The following LRRC4C variants were observed in gnomAD, a reference collection of about 807,000 sequenced individuals.
LRRC4C encodes leucine-rich repeat-containing protein 4C.
Under a neutral mutation model 33.6 loss-of-function variants are expected in LRRC4C, and 5 were observed. That is an observed-to-expected ratio of 0.15 (90% CI 0.08 to 0.31). The LOEUF (loss-of-function observed/expected upper bound fraction) is 0.31. Among genes scored for constraint, LRRC4C ranks in the 10% least tolerant of loss-of-function variants. The probability of loss-of-function intolerance (pLI) is 1.00; values close to 1 mark genes in which losing one functional copy is unlikely to be tolerated. For synonymous variants in LRRC4C, 329 were observed against 302.0 expected (o/e 1.09, Z -0.93); for missense variants, 560 against 796.7 (o/e 0.70, Z 3.58).
intron 3 of LRRC4C, among the ~76,000 whole-genome samples, chr11:40,404,891 A>T (rs994591304): frequency 6.6e-6 from 1 of 151,938 alleles, no homozygotes; most frequent in African/African-American, 2.4e-5. Context: ...TACTATAATG[A>T]TATAAATTAA....
intron 1 of LRRC4C, among the ~76,000 whole-genome samples, chr11:41,349,724 C>T (rs762228648): frequency 6.6e-6 from 1 of 152,134 alleles, no homozygotes; most frequent in African/African-American, 2.4e-5. Context: ...TGAGAAAGAA[C>T]CAGTGTAAGA....
intron 1 of LRRC4C, among the ~76,000 whole-genome samples, chr11:41,187,108 G>T (rs1226429818): frequency 6.6e-6 from 1 of 152,128 alleles, no homozygotes; most frequent in Non-Finnish European, 1.5e-5. Context: ...ATATGGGAAG[G>T]GGAGCAGGGG....
intron 1 of LRRC4C, among the ~76,000 whole-genome samples, chr11:41,102,087 T>C (rs1464891514): frequency 6.6e-6 from 1 of 151,974 alleles, no homozygotes. Flanking sequence ...CCCCGTGACA[T>C]GAGTTTTCCT....
At chr11:40,725,226 G>A (rs988499759) in intron 2 of LRRC4C, among the ~76,000 whole-genome samples, 51 of 152,222 alleles carry the variant, frequency 3.4e-4, no homozygotes, top group African/African-American at 1.2e-3. Flanking sequence ...AGAACTGGAG[G>A]CCGGGTGCAG....
intron 3 of LRRC4C, among the ~76,000 whole-genome samples, chr11:40,487,056 T>C (rs551503257): frequency 2.0e-5 from 3 of 152,172 alleles, no homozygotes; most frequent in African/African-American, 7.2e-5. Flanking sequence ...AGAAAGTCTG[T>C]TAACTTATTT....
intron 1 of LRRC4C, among the ~76,000 whole-genome samples, chr11:41,355,371 A>T (rs1467304850): frequency 6.6e-6 from 1 of 152,128 alleles, no homozygotes; most frequent in Non-Finnish European, 1.5e-5. Context: ...CTGTGAAACA[A>T]ACCTAAAAAA....
At chr11:41,354,760 A>C (rs372037705) in intron 1 of LRRC4C, among the ~76,000 whole-genome samples, 6 of 152,126 alleles carry the variant, frequency 3.9e-5, no homozygotes, top group African/African-American at 9.7e-5. Flanking sequence ...TGGGGAAAGG[A>C]TTCCCTATTC....
chr11:40,641,339 A>T (rs2861926), intron 3 of LRRC4C, among the ~76,000 whole-genome samples: 151,722 of 152,270 alleles, frequency 1, 75,592 homozygotes, highest in Middle Eastern at 1. Context: ...ATTCTTATTC[A>T]CCACTGAAAA....
intron 1 of LRRC4C, among the ~76,000 whole-genome samples, chr11:41,304,327 C>T (rs1444136130): frequency 7.2e-5 from 8 of 111,670 alleles, no homozygotes; most frequent in African/African-American, 1.0e-4. Context: ...CCCGGCCAGC[C>T]GCCCCGTCCG....
At chr11:41,016,214 A>C (rs1012713969) in intron 1 of LRRC4C, among the ~76,000 whole-genome samples, 13 of 152,220 alleles carry the variant, frequency 8.5e-5, no homozygotes, top group African/African-American at 2.9e-4. Context: ...TCTTCTAAAA[A>C]AATAAGAAGA....
At chr11:40,130,987 T>G (rs1856607238) in intron 6 of LRRC4C, among the ~76,000 whole-genome samples, 1 of 152,174 alleles carries the variant, frequency 6.6e-6, no homozygotes, top group African/African-American at 2.4e-5. Context: ...TTCCCTAAAT[T>G]GTCCGTAAAG....
At chr11:41,387,018 A>G (rs1281966809) in intron 1 of LRRC4C, among the ~76,000 whole-genome samples, 2 of 151,900 alleles carry the variant, frequency 1.3e-5, no homozygotes, top group East Asian at 3.9e-4. Flanking sequence ...CAGTTGCTAC[A>G]TGTGTCCACC....
At position 40,115,579 on chromosome 11, in the gene LRRC4C, A is replaced by G. The variant is rs755266518; in HGVS notation, c.714T>C (p.Ser238=). ...GNHLSAIRPG[S]FQGLMHLQKL... is the part of the protein sequence containing the mutation. Reference sequence around the variant, plus strand: ...TTTGAAGGTGCATCAAACCCTGGAAAGAGCCAGGCCTGATGGCAGATAAAT... The same window carrying G: ...TTTGAAGGTGCATCAAACCCTGGAAGGAGCCAGGCCTGATGGCAGATAAAT... Residue 238 remains serine, a synonymous_variant, in exon 7 of 7, where the codon TCT becomes TCC. Coordinates refer to ENST00000528697, the MANE Select transcript of LRRC4C (RefSeq NM_001258419.2). The surrounding 1 kb of genome is among the most constrained non-coding windows in gnomAD (Gnocchi z 6.7). The G allele has an allele frequency of 4.3e-6, 7 of 1,614,180 alleles. No homozygotes were observed. Among genetic ancestry groups the G allele is most frequent in the South Asian group, 2.2e-5 (2 of 91,088 alleles).
chr11:41,055,138 T>A (rs1032360069), intron 1 of LRRC4C, among the ~76,000 whole-genome samples: 1 of 152,176 alleles, frequency 6.6e-6, no homozygotes, highest in East Asian at 1.9e-4. Flanking sequence ...TTATCCTGAC[T>A]TATAATACCA....
At chr11:40,871,321 C>T (rs1954632881) in intron 2 of LRRC4C, among the ~76,000 whole-genome samples, 1 of 152,078 alleles carries the variant, frequency 6.6e-6, no homozygotes, top group African/African-American at 2.4e-5. Flanking sequence ...CACTCCCTCC[C>T]CTTTTGAAAA....
chr11:40,309,844 G>A (rs181064369), intron 4 of LRRC4C, among the ~76,000 whole-genome samples: 1 of 152,260 alleles, frequency 6.6e-6, no homozygotes, highest in East Asian at 1.9e-4. Context: ...GCCCCCAGAA[G>A]CAGGAAGAAG....
At chr11:40,830,865 G>A (rs1422089848) in intron 2 of LRRC4C, among the ~76,000 whole-genome samples, 1 of 152,100 alleles carries the variant, frequency 6.6e-6, no homozygotes, top group Non-Finnish European at 1.5e-5. Context: ...ATGGCAAAGA[G>A]GGTGGAGGAA....
At chr11:41,031,310 T>C (rs577727622) in intron 1 of LRRC4C, among the ~76,000 whole-genome samples, 1 of 152,108 alleles carries the variant, frequency 6.6e-6, no homozygotes, top group East Asian at 1.9e-4. Context: ...CTTAGGGCTG[T>C]GCCAATTCAC....
intron 5 of LRRC4C, among the ~76,000 whole-genome samples, chr11:40,199,842 C>G (rs1862560573): frequency 6.6e-6 from 1 of 152,022 alleles, no homozygotes; most frequent in Non-Finnish European, 1.5e-5. Flanking sequence ...CTAGATAACT[C>G]CAGGGATGTT....
Sources: allele counts gnomAD v4.1 joint callset (sites outside exome capture counted in the v4.1 genomes callset), GRCh38; gene constraint gnomAD v4.1.1; non-coding constraint Gnocchi (gnomAD v3.1); transcripts MANE v1.5; gene names NCBI Gene and HGNC (gene_info 2026-07-23, HGNC 2026-07-21).